The following FAM13A variants were observed in gnomAD, a reference collection of about 807,000 sequenced individuals.
FAM13A encodes the protein protein FAM13A.
In FAM13A, 76 loss-of-function variants were observed where a neutral mutation model predicts 129.6. That is an observed-to-expected ratio of 0.59 (90% confidence interval 0.49 to 0.71). The LOEUF (loss-of-function observed/expected upper bound fraction) is 0.71, where lower values mean the gene tolerates loss of function less well. Among genes scored for constraint, FAM13A ranks in the 30% least tolerant of loss-of-function variants. FAM13A has a pLI of 0.00. For synonymous variants in FAM13A, 443 were observed against 449.9 expected, an observed-to-expected ratio of 0.98 and a Z score of 0.20; for missense variants, 1,108 against 1,249.3, an observed-to-expected ratio of 0.89 and a Z score of 1.70.
chr4:88,815,769 T>G (rs1475398224), intron 7 of FAM13A, among the ~76,000 whole-genome samples: 1 of 152,146 alleles, frequency 6.6e-6, no homozygotes, highest in Non-Finnish European at 1.5e-5. Context: ...ATCTGAAAAC[T>G]TTAAAATATT....
At chr4:88,903,462 C>T (rs1747621648) in intron 6 of FAM13A, among the ~76,000 whole-genome samples, 1 of 152,080 alleles carries the variant, frequency 6.6e-6, no homozygotes, top group African/African-American at 2.4e-5. Flanking sequence ...TAAGACCGAA[C>T]ACCTACAATT....
chr4:88,910,797 G>A (rs969623673), intron 5 of FAM13A, among the ~76,000 whole-genome samples: 28 of 151,982 alleles, frequency 1.8e-4, no homozygotes, highest in African/African-American at 6.3e-4. Flanking sequence ...CTACAGGCAC[G>A]CGTCACCATG....
chr4:88,945,990 G>GTATGTATGTGTGTATATATATA (rs1553901196), intron 4 of FAM13A, among the ~76,000 whole-genome samples: 4 of 61,956 alleles, frequency 6.5e-5, no homozygotes, highest in African/African-American at 3.5e-4. Flanking sequence ...GTGTGTGTGT[G>GTATGTATGTGTGTATATATATA]TATATATATA....
intron 7 of FAM13A, chr4:88,823,184 C>T (rs1294057563): frequency 6.9e-7 from 1 of 1,456,380 alleles, no homozygotes; most frequent in Non-Finnish European, 9.0e-7. Context: ...TCTCAGCCTC[C>T]AAACTTCTTC....
chr4:89,005,990 T>C (rs1321844662), intron 3 of FAM13A, among the ~76,000 whole-genome samples: 1 of 151,668 alleles, frequency 6.6e-6, no homozygotes, highest in Non-Finnish European at 1.5e-5. Context: ...TGCCCTTTCC[T>C]ACATCCAGAT....
At chr4:89,015,324 C>T (rs1391200880) in intron 3 of FAM13A, among the ~76,000 whole-genome samples, 1 of 152,170 alleles carries the variant, frequency 6.6e-6, no homozygotes, top group East Asian at 1.9e-4. Context: ...GACCCACACC[C>T]TATTTGTACA....
At chr4:88,870,303 G>A (rs988547123) in intron 6 of FAM13A, among the ~76,000 whole-genome samples, 2 of 152,128 alleles carry the variant, frequency 1.3e-5, no homozygotes, top group South Asian at 2.1e-4. Context: ...TGCAGCCCAC[G>A]GAGGGCGAGC....
At position 88,750,653 on chromosome 4, in the gene FAM13A, A is replaced by C; in HGVS notation, c.1727-16T>G. On this transcript the variant is annotated splice_polypyrimidine_tract_variant and intron_variant, in intron 14 of 23. Transcript: ENST00000264344. ...GGGATAGGCTCTGGAAGATAAGGGC[A>C]GTAAGATCAGGACTGTTCCTGAAAG... The C allele has an allele frequency of 6.4e-7, 1 of 1,560,890 alleles. No individual in the cohort carries two copies. Among genetic ancestry groups the C allele is most frequent in the African/African-American group, 1.9e-5 (1 of 51,612 alleles).
intron 6 of FAM13A, among the ~76,000 whole-genome samples, chr4:88,894,481 T>C (rs941396540): frequency 5.9e-5 from 9 of 152,210 alleles, no homozygotes; most frequent in African/African-American, 2.2e-4. Flanking sequence ...TATATAGATA[T>C]GCAGTGTTCC....
chr4:88,772,892 A>C (rs139246289), intron 11 of FAM13A, among the ~76,000 whole-genome samples: 381 of 152,344 alleles, frequency 2.5e-3, no homozygotes, highest in African/African-American at 8.6e-3. Context: ...CTTACTCAAT[A>C]GTACACAAAA....
chr4:88,974,337 G>A (rs1760603447), intron 4 of FAM13A, among the ~76,000 whole-genome samples: 1 of 152,112 alleles, frequency 6.6e-6, no homozygotes, highest in African/African-American at 2.4e-5. Flanking sequence ...TGTTTTTCCT[G>A]TGACCTCAAC....
chr4:88,920,298 C>A (rs1168851712), intron 5 of FAM13A, among the ~76,000 whole-genome samples: 2 of 152,164 alleles, frequency 1.3e-5, no homozygotes, highest in African/African-American at 4.8e-5. Context: ...GGGAGGCACC[C>A]CATAGTAGGG....
intron 5 of FAM13A, among the ~76,000 whole-genome samples, chr4:88,922,639 G>A (rs902417122): frequency 6.6e-6 from 1 of 152,058 alleles, no homozygotes; most frequent in Non-Finnish European, 1.5e-5. Flanking sequence ...ACAATTAAAA[G>A]AACTAGAAAA....
chr4:88,911,158 T>C (rs1017646258), intron 5 of FAM13A, among the ~76,000 whole-genome samples: 1 of 152,184 alleles, frequency 6.6e-6, no homozygotes, highest in Admixed American at 6.5e-5. Flanking sequence ...TTAATTCCCT[T>C]CTTAAATTCC....
intron 7 of FAM13A, among the ~76,000 whole-genome samples, chr4:88,833,299 G>A (rs781207632): frequency 5.1e-4 from 77 of 152,188 alleles, no homozygotes; most frequent in Non-Finnish European, 9.0e-4. Context: ...GGGTTGACAG[G>A]TGCTGCAAAC....
intron 4 of FAM13A, among the ~76,000 whole-genome samples, chr4:88,951,956 A>G (rs1191942287): frequency 2.6e-5 from 4 of 152,198 alleles, no homozygotes; most frequent in Non-Finnish European, 4.4e-5. Context: ...TAGAAGTTGA[A>G]CTTATTAATA....
intron 6 of FAM13A, among the ~76,000 whole-genome samples, chr4:88,866,349 T>C (rs1740438079): frequency 6.6e-6 from 1 of 152,134 alleles, no homozygotes; most frequent in African/African-American, 2.4e-5. Context: ...CCCGGCCTAA[T>C]TTTTGTATTT....
chr4:88,867,990 T>C (rs533000116), intron 6 of FAM13A, among the ~76,000 whole-genome samples: 1 of 152,326 alleles, frequency 6.6e-6, no homozygotes, highest in Admixed American at 6.5e-5. Context: ...TGAAACTCAC[T>C]TCTAAAGTTT....
At chr4:88,950,551 C>T (rs1756784463) in intron 4 of FAM13A, among the ~76,000 whole-genome samples, 1 of 152,076 alleles carries the variant, frequency 6.6e-6, no homozygotes. Flanking sequence ...ATGTGTCTTA[C>T]AGAAAAGCCA....
Sources: gnomAD v4.1 joint callset for allele counts (sites outside exome capture counted in the v4.1 genomes callset) on GRCh38, gnomAD v4.1.1 for gene constraint, MANE v1.5 for transcripts, NCBI Gene and HGNC (gene_info 2026-07-23, HGNC 2026-07-21) for gene names.